ACKR2: variants seen among roughly 807,000 people sequenced by gnomAD.
ACKR2 encodes atypical chemokine receptor 2.
For synonymous variants in ACKR2, 207 were observed against 192.2 expected (o/e 1.08, Z -0.64); for missense variants, 457 against 477.3 (o/e 0.96, Z 0.40).
intron 2 of ACKR2, among the ~76,000 whole-genome samples, chr3:42,831,474 C>G (rs574258688): frequency 6.6e-6 from 1 of 152,342 alleles, no homozygotes; most frequent in African/African-American, 2.4e-5. Flanking sequence ...TGGCCAATGG[C>G]AGTGGTTTCT....
chr3:42,855,245 G>A (rs1161434607), intron 2 of ACKR2, among the ~76,000 whole-genome samples: 1 of 152,214 alleles, frequency 6.6e-6, no homozygotes, highest in African/African-American at 2.4e-5. Flanking sequence ...CAGGGACAAG[G>A]TACCATGTGC....
rs746281461 is a variant in ACKR2, at chr3:42,848,310, C to T, written c.-37-16156C>T. 1.2e-4 allele frequency among the ~76,000 whole-genome samples: 18 copies of T among 150,062 alleles called. No individual in the cohort carries two copies. In the South Asian group the frequency reaches 1.7e-3, roughly 14 times the overall value. ...TTGTCTCACTGCAGCCTCCACTTCC[C>T]GGGCTCAAACAATCCTCTCAACTCA... On this transcript the variant is annotated intron_variant, in intron 2 of 2. Transcript: ENST00000422265.
chr3:42,856,285 G>C, intron 2 of ACKR2: 1 of 683,590 alleles, frequency 1.5e-6, no homozygotes, highest in South Asian at 1.6e-5. Context: ...ACAGCATCTG[G>C]TCCAGATGCC....
At chr3:42,828,092 A>ATATATTTTTTTTTTTTTT (rs1193533555) in intron 2 of ACKR2, among the ~76,000 whole-genome samples, 1 of 121,898 alleles carries the variant, frequency 8.2e-6, no homozygotes, top group Non-Finnish European at 1.7e-5. Flanking sequence ...ATATATATAT[A>ATATATTTTTTTTTTTTTT]TTTTTTTTTT....
At chr3:42,839,907 G>C (rs1701019371) in intron 2 of ACKR2, among the ~76,000 whole-genome samples, 1 of 152,104 alleles carries the variant, frequency 6.6e-6, no homozygotes, top group South Asian at 2.1e-4. Flanking sequence ...GTCTGTCTTG[G>C]GAGTCTCTGA....
intron 2 of ACKR2, among the ~76,000 whole-genome samples, chr3:42,844,649 C>T (rs1467166199): frequency 1.3e-5 from 2 of 152,230 alleles, no homozygotes; most frequent in African/African-American, 2.4e-5. Context: ...TACAGGAGCT[C>T]TGCCAGGGGA....
At chr3:42,861,799 C>T (rs774864231) in intron 2 of ACKR2, among the ~76,000 whole-genome samples, 11 of 152,100 alleles carry the variant, frequency 7.2e-5, no homozygotes, top group African/African-American at 9.7e-5. Flanking sequence ...AAAAGGCCTT[C>T]GATAAAATTC....
At chr3:42,840,087 T>C (rs1701020878) in intron 2 of ACKR2, among the ~76,000 whole-genome samples, 1 of 151,328 alleles carries the variant, frequency 6.6e-6, no homozygotes, top group South Asian at 2.1e-4. Context: ...TGAAACCTCG[T>C]CTCTACTAAA....
chr3:42,819,567 A>G (rs1353589826), intron 1 of ACKR2, 64 bp from the exon 2 acceptor site: 1 of 152,182 alleles, frequency 6.6e-6, no homozygotes, highest in Non-Finnish European at 1.5e-5. Flanking sequence ...TTATGCATGT[A>G]CCTTGGGTTA....
chr3:42,865,719 A>C lies in ACKR2; in HGVS notation c.*62A>C, dbSNP rs1344523410. 38 of 1,374,426 alleles carry C rather than the reference A, an allele frequency of 2.8e-5. No individual in the cohort carries two copies. The highest frequency in any genetic ancestry group is 3.7e-5 in the Non-Finnish European group (37 of 994,670). 85.1% of individuals were successfully genotyped at this position (1,374,426 alleles called of 1,614,324 possible). A position where few individuals can be genotyped will look rare whatever the true frequency, so the allele number is the denominator to read the frequency against. Reference sequence around the variant, plus strand: ...CCAGCTCAATTGGGTGTCCACTCAAAGTGCTCTCTCCAGGGGCCTCAGTGA... The same window carrying C: ...CCAGCTCAATTGGGTGTCCACTCAACGTGCTCTCTCCAGGGGCCTCAGTGA... On this transcript the variant is annotated 3_prime_UTR_variant, in exon 3 of 3. Coordinates refer to ENST00000422265, the MANE Select transcript of ACKR2 (RefSeq NM_001296.5).
At chr3:42,822,673 T>A (rs1046419871) in intron 2 of ACKR2, among the ~76,000 whole-genome samples, 3 of 152,004 alleles carry the variant, frequency 2.0e-5, no homozygotes, top group African/African-American at 7.3e-5. Context: ...GCCAACATGG[T>A]GAAACCCTGT....
chr3:42,827,164 A>G (rs554746365), intron 2 of ACKR2, among the ~76,000 whole-genome samples: 5 of 152,308 alleles, frequency 3.3e-5, no homozygotes, highest in East Asian at 3.9e-4. Context: ...AGAATGCTGT[A>G]TGTGCACCTG....
At chr3:42,813,608 T>G (rs1700716734) in intron 1 of ACKR2, among the ~76,000 whole-genome samples, 1 of 152,164 alleles carries the variant, frequency 6.6e-6, no homozygotes, top group South Asian at 2.1e-4. Context: ...TCCACCCCCG[T>G]GATCTAATCA....
intron 2 of ACKR2, among the ~76,000 whole-genome samples, chr3:42,820,508 G>A (rs1202374296): frequency 1.3e-5 from 2 of 150,872 alleles, no homozygotes; most frequent in Non-Finnish European, 2.9e-5. Context: ...CAGGAGAATG[G>A]CATGAACCTG....
intron 2 of ACKR2, chr3:42,856,482 G>A (rs757483000): frequency 4.3e-6 from 3 of 693,478 alleles, no homozygotes; most frequent in South Asian, 1.5e-5. Flanking sequence ...CTGAAAAAAG[G>A]GGATAAAACT....
intron 1 of ACKR2, among the ~76,000 whole-genome samples, chr3:42,812,323 T>C (rs1451959374): frequency 6.6e-6 from 1 of 152,244 alleles, no homozygotes; most frequent in Non-Finnish European, 1.5e-5. Context: ...TAGATAGTCA[T>C]ACTTTCTAAT....
intron 2 of ACKR2, among the ~76,000 whole-genome samples, chr3:42,861,206 A>G (rs557105897): frequency 6.6e-6 from 1 of 152,336 alleles, no homozygotes; most frequent in Non-Finnish European, 1.5e-5. Flanking sequence ...ACAGAAATAC[A>G]AACTACGATC....
chr3:42,859,442 G>A (rs1408801864), intron 2 of ACKR2, among the ~76,000 whole-genome samples: 4 of 151,346 alleles, frequency 2.6e-5, no homozygotes, highest in South Asian at 2.1e-4. Context: ...GCAGTGGCGC[G>A]GTCTTGGCTC....
intron 2 of ACKR2, among the ~76,000 whole-genome samples, chr3:42,834,181 C>T (rs375557417): frequency 7.2e-5 from 11 of 152,282 alleles, no homozygotes; most frequent in African/African-American, 2.6e-4. Context: ...TGGTCTCGAA[C>T]TCCTGACCTC....
Sources: gnomAD v4.1 joint callset for allele counts (sites outside exome capture counted in the v4.1 genomes callset) on GRCh38, gnomAD v4.1.1 for gene constraint, MANE v1.5 for transcripts, NCBI Gene and HGNC (gene_info 2026-07-23, HGNC 2026-07-21) for gene names.